The following KCNQ5 variants were observed in gnomAD, a reference collection of about 807,000 sequenced individuals.
The protein encoded by KCNQ5 is potassium voltage-gated channel subfamily KQT member 5.
In KCNQ5, 30 loss-of-function variants were observed where a neutral mutation model predicts 98.2. The ratio of observed to expected loss-of-function variants is 0.31; its 90% CI spans 0.23 to 0.41. The LOEUF is 0.41. KCNQ5 is among the 10% of genes least tolerant of loss of function. KCNQ5 has a pLI of 1.00. For missense variants in KCNQ5, 835 were observed against 1,182.5 expected (o/e 0.71, Z 4.31); for synonymous variants, 458 against 449.4 (o/e 1.02, Z -0.24).
intron 3 of KCNQ5, among the ~76,000 whole-genome samples, chr6:73,068,300 A>T (rs962829674): frequency 1.8e-4 from 28 of 152,074 alleles, no homozygotes; most frequent in African/African-American, 5.8e-4. Flanking sequence ...CCGTCTCAAA[A>T]AATAATAATA....
chr6:72,782,389 G>C (rs1773529042), intron 1 of KCNQ5, among the ~76,000 whole-genome samples: 1 of 152,130 alleles, frequency 6.6e-6, no homozygotes, highest in Non-Finnish European at 1.5e-5. Flanking sequence ...TTCATTTCAT[G>C]CTTCCCCATG....
intron 1 of KCNQ5, among the ~76,000 whole-genome samples, chr6:72,736,502 CTTTT>C (rs752921476): frequency 1.7e-5 from 2 of 121,052 alleles, no homozygotes; most frequent in Non-Finnish European, 3.2e-5. Flanking sequence ...AAAAAGATTT[CTTTT>C]TTTTTTTTTT....
chr6:72,772,391 G>T (rs923005959), intron 1 of KCNQ5, among the ~76,000 whole-genome samples: 1 of 152,052 alleles, frequency 6.6e-6, no homozygotes, highest in South Asian at 2.1e-4. Context: ...TTAGAGAGTG[G>T]ACAGCAGGTT....
intron 1 of KCNQ5, among the ~76,000 whole-genome samples, chr6:72,715,992 GATA>G (rs926206328): frequency 4.6e-5 from 7 of 152,200 alleles, no homozygotes; most frequent in African/African-American, 1.7e-4. Context: ...TTATGCCAGT[GATA>G]ATATTATAGA....
At chr6:72,822,986 A>T (rs949830603) in intron 1 of KCNQ5, among the ~76,000 whole-genome samples, 2 of 151,970 alleles carry the variant, frequency 1.3e-5, no homozygotes, top group Non-Finnish European at 2.9e-5. Flanking sequence ...TTTTACGAGG[A>T]TCATTGTGAT....
chr6:73,035,256 A>G (rs1461834115), intron 2 of KCNQ5, among the ~76,000 whole-genome samples: 1 of 152,206 alleles, frequency 6.6e-6, no homozygotes, highest in Non-Finnish European at 1.5e-5. Context: ...TGTAACTCCT[A>G]CAAGGTGAGT....
intron 1 of KCNQ5, among the ~76,000 whole-genome samples, chr6:72,801,996 G>T (rs1265498529): frequency 6.6e-6 from 1 of 152,106 alleles, no homozygotes; most frequent in East Asian, 1.9e-4. Context: ...CGAGAGATCC[G>T]CTGTTAGTCT....
At chr6:73,124,566 G>C (rs1775871929) in intron 9 of KCNQ5, 54 bp downstream of exon 9, 1 of 1,537,528 alleles carries the variant, frequency 6.5e-7, no homozygotes, top group Non-Finnish European at 9.0e-7. Flanking sequence ...TACCTACCAG[G>C]TGTTTTAAAT....
chr6:72,779,821 C>CTG lies in KCNQ5; in HGVS notation c.398+157294_398+157295dup, dbSNP rs35526812. On this transcript the variant is annotated intron_variant, in intron 1 of 13. Transcript: ENST00000370398. ...CACCATGCCCAGCTAATTTAATTTT[C>CTG]TGTGTGTGTGTGTGTGTGTGTGTGT... Among the ~76,000 whole-genome samples, 813 of 124,862 alleles carry CTG rather than the reference C, an allele frequency of 6.5e-3. 7 individuals carry two copies. The highest frequency in any genetic ancestry group is 1.0e-2 in the East Asian group (39 of 3,902). 81.9% of individuals were successfully genotyped at this position (124,862 alleles called of 152,430 possible).
intron 1 of KCNQ5, among the ~76,000 whole-genome samples, chr6:72,730,381 T>C: frequency 6.6e-6 from 1 of 152,162 alleles, no homozygotes; most frequent in East Asian, 1.9e-4. Context: ...TTTTAGGAAA[T>C]AGAAAGGCCT....
At chr6:72,789,452 C>G (rs1044548445) in intron 1 of KCNQ5, among the ~76,000 whole-genome samples, 5 of 152,178 alleles carry the variant, frequency 3.3e-5, no homozygotes, top group Admixed American at 6.5e-5. Flanking sequence ...CAGGCTAATC[C>G]TAAACCAAGA....
chr6:72,827,182 A>G (rs1776040429), intron 1 of KCNQ5, among the ~76,000 whole-genome samples: 1 of 152,152 alleles, frequency 6.6e-6, no homozygotes, highest in Admixed American at 6.6e-5. Context: ...GTGGCAATAA[A>G]CATGGGGGTG....
At chr6:72,805,314 G>A (rs1024452464) in intron 1 of KCNQ5, among the ~76,000 whole-genome samples, 5 of 151,960 alleles carry the variant, frequency 3.3e-5, no homozygotes, top group African/African-American at 9.7e-5. Flanking sequence ...AGACTTAAGC[G>A]TTTAACGGAT....
chr6:72,884,353 GA>G (rs1170848393), intron 1 of KCNQ5, among the ~76,000 whole-genome samples: 1 of 151,876 alleles, frequency 6.6e-6, no homozygotes, highest in African/African-American at 2.4e-5. Context: ...AAGGGTTTAG[GA>G]AAAGAAATAT....
chr6:73,172,173 C>T (rs745436985), intron 11 of KCNQ5, among the ~76,000 whole-genome samples: 2 of 152,012 alleles, frequency 1.3e-5, no homozygotes, highest in Non-Finnish European at 2.9e-5. Flanking sequence ...TTTCTGCTTG[C>T]TGCATTGTGG....
chr6:73,026,023 A>G (rs1770865886), intron 2 of KCNQ5, among the ~76,000 whole-genome samples: 1 of 152,192 alleles, frequency 6.6e-6, no homozygotes, highest in Non-Finnish European at 1.5e-5. Flanking sequence ...TCTCATTCCT[A>G]TTCCCTTGCC....
chr6:73,077,062 G>T (rs944154885), intron 3 of KCNQ5, among the ~76,000 whole-genome samples: 4 of 152,162 alleles, frequency 2.6e-5, no homozygotes, highest in African/African-American at 9.7e-5. Context: ...TAAATAATAC[G>T]TTGTTCAAAA....
chr6:73,165,951 A>G (rs971434559), intron 10 of KCNQ5, among the ~76,000 whole-genome samples: 23 of 151,902 alleles, frequency 1.5e-4, no homozygotes, highest in South Asian at 4.2e-4. Context: ...AAGAAAAAAA[A>G]AGAGAGAGAA....
intron 1 of KCNQ5, among the ~76,000 whole-genome samples, chr6:72,961,774 T>C (rs372187722): frequency 3.9e-5 from 6 of 152,032 alleles, no homozygotes; most frequent in Middle Eastern, 3.4e-3. Flanking sequence ...TCCATTCAGG[T>C]AATTGTGCAT....
Sources: gnomAD v4.1 joint callset for allele counts (sites outside exome capture counted in the v4.1 genomes callset) on GRCh38, gnomAD v4.1.1 for gene constraint, MANE v1.5 for transcripts, NCBI Gene and HGNC (gene_info 2026-07-23, HGNC 2026-07-21) for gene names.